The following TMEM132B variants were observed in gnomAD, a reference collection of about 807,000 sequenced individuals.
TMEM132B encodes the protein transmembrane protein 132B.
A neutral mutation model predicts 90.8 loss-of-function variants in TMEM132B; 18 were observed. The observed-to-expected ratio is 0.20, with a 90% CI of 0.14 to 0.29. The LOEUF (loss-of-function observed/expected upper bound fraction) is 0.29, where lower values mean the gene tolerates loss of function less well. TMEM132B is among the 10% of genes least tolerant of loss of function. TMEM132B has a pLI of 1.00. For missense variants in TMEM132B, 1,096 were observed against 1,326.8 expected (o/e 0.83, Z 2.70); for synonymous variants, 504 against 523.3 (o/e 0.96, Z 0.50).
intron 1 of TMEM132B, among the ~76,000 whole-genome samples, chr12:125,270,244 C>T (rs1874804353): frequency 6.6e-6 from 1 of 152,000 alleles, no homozygotes; most frequent in Non-Finnish European, 1.5e-5. Flanking sequence ...TCAAGCCATC[C>T]TCCCACCTCA....
rs555613951 is a variant in TMEM132B, at chr12:125,491,269, CTTAT to C, written c.1107-28163_1107-28160del. On this transcript the variant is annotated intron_variant, in intron 3 of 8. Coordinates refer to ENST00000682704, the MANE Select transcript of TMEM132B (RefSeq NM_001366854.1). ...TTAAATTATTATTTTTAAAATTTTACTTATTTATTTTAATTATTTTTAATTTAAA... is the reference window on the plus strand; with the variant it reads ...TTAAATTATTATTTTTAAAATTTTACTTATTTTAATTATTTTTAATTTAAA... Among the ~76,000 whole-genome samples the C allele has an allele frequency of 2.6e-3, 399 of 151,388 alleles. 1 individual carries two copies. The highest frequency in any genetic ancestry group is 9.2e-3 in the African/African-American group (380 of 41,430).
chr12:125,324,252 T>C (rs1258913252), intron 1 of TMEM132B, among the ~76,000 whole-genome samples: 1 of 152,224 alleles, frequency 6.6e-6, no homozygotes, highest in African/African-American at 2.4e-5. Context: ...ACAGATTAAT[T>C]GCTAATCACT....
At chr12:125,613,818 A>G (rs962586780) in intron 5 of TMEM132B, among the ~76,000 whole-genome samples, 1 of 152,054 alleles carries the variant, frequency 6.6e-6, no homozygotes, top group Non-Finnish European at 1.5e-5. Flanking sequence ...GAGCAAGTAC[A>G]TATTTATATA....
intron 4 of TMEM132B, among the ~76,000 whole-genome samples, chr12:125,526,851 T>TCATCCAGC (rs1255244855): frequency 6.6e-6 from 1 of 151,892 alleles, no homozygotes; most frequent in African/African-American, 2.4e-5. Context: ...TTCCTTCCAT[T>TCATCCAGC]CATCCAGCCA....
intron 3 of TMEM132B, among the ~76,000 whole-genome samples, chr12:125,507,271 G>A (rs565092189): frequency 9.8e-5 from 15 of 152,330 alleles, no homozygotes; most frequent in African/African-American, 3.6e-4. Flanking sequence ...ATATGTTTAT[G>A]AAGTGCCTAC....
Position 125,429,402 on chromosome 12 carries a change from T to TA in TMEM132B, c.1106+13726dup, listed in dbSNP as rs200434836. On this transcript the variant is annotated intron_variant, in intron 3 of 8. Coordinates refer to ENST00000682704, the MANE Select transcript of TMEM132B (RefSeq NM_001366854.1). ...TGTATTTTTTGTAGAGATGGGGTTT[T>TA]ACAATGTTGGCCAGGCTGGTTTCAA... 8.7e-3 allele frequency among the ~76,000 whole-genome samples: 1,324 copies of TA among 152,126 alleles called. 22 individuals are homozygous for TA. The highest frequency in any genetic ancestry group is 0.029 in the African/African-American group (1,209 of 41,488).
At chr12:125,427,793 G>GTGCA (rs1176703948) in intron 3 of TMEM132B, among the ~76,000 whole-genome samples, 2 of 152,198 alleles carry the variant, frequency 1.3e-5, no homozygotes, top group Non-Finnish European at 2.9e-5. Flanking sequence ...TTCTTACCAA[G>GTGCA]TGCAGATGTT....
chr12:125,262,146 C>T (rs1042204052), intron 1 of TMEM132B, among the ~76,000 whole-genome samples: 1 of 149,052 alleles, frequency 6.7e-6, no homozygotes, highest in Non-Finnish European at 1.5e-5. Flanking sequence ...CAGTGGCTCA[C>T]ATCTGTAATC....
At chr12:125,218,658 G>A (rs1299398188) in intron 1 of TMEM132B, among the ~76,000 whole-genome samples, 1 of 151,896 alleles carries the variant, frequency 6.6e-6, no homozygotes, top group Non-Finnish European at 1.5e-5. Flanking sequence ...CCTTTGATTG[G>A]GCCACCCAGG....
At chr12:125,320,143 C>T (rs1344776994) in intron 1 of TMEM132B, among the ~76,000 whole-genome samples, 2 of 152,200 alleles carry the variant, frequency 1.3e-5, no homozygotes, top group Non-Finnish European at 2.9e-5. Context: ...CTTTTGGGGG[C>T]TGGCTTGGAG....
At chr12:125,600,902 C>G (rs566200742) in intron 5 of TMEM132B, among the ~76,000 whole-genome samples, 2 of 152,064 alleles carry the variant, frequency 1.3e-5, no homozygotes, top group Non-Finnish European at 2.9e-5. Flanking sequence ...GGGATCAATT[C>G]GACAAGAAGA....
At chr12:125,447,848 G>A (rs187601219) in intron 3 of TMEM132B, among the ~76,000 whole-genome samples, 2 of 152,288 alleles carry the variant, frequency 1.3e-5, no homozygotes, top group Non-Finnish European at 2.9e-5. Context: ...CATTGTCTCT[G>A]TTGAGAAGTT....
Position 125,299,975 on chromosome 12 carries a change from T to C in TMEM132B, c.68-49477T>C, listed in dbSNP as rs10773156. On this transcript the variant is annotated intron_variant, in intron 1 of 8. Coordinates refer to ENST00000682704, the MANE Select transcript of TMEM132B (RefSeq NM_001366854.1). ...CACTCAGAGCAAGAACCCCAAGTCC[T>C]GCTCATGGCCTGAGGCCCTGCAGGG... Among the ~76,000 whole-genome samples the C allele has an allele frequency of 3.7e-4, 56 of 152,234 alleles. 1 individual carries two copies. Among genetic ancestry groups the C allele is most frequent in the Admixed American group, 3.3e-3 (51 of 15,300 alleles).
rs561224986 is a variant in TMEM132B, at chr12:125,377,990, T to C, written c.959+27647T>C. On this transcript the variant is annotated intron_variant, in intron 2 of 8. Transcript: ENST00000682704. ...TCAAGAATGTTTTGAAAGCTAGGTA[T>C]TTAGGGAGGCTGGACAAGGGGAGGT... Among the ~76,000 whole-genome samples the C allele has an allele frequency of 2.0e-5, 3 of 152,178 alleles. 1 individual carries two copies. In the South Asian group the frequency reaches 6.2e-4, roughly 32 times the overall value.
chr12:125,471,298 A>G (rs969555595), intron 3 of TMEM132B, among the ~76,000 whole-genome samples: 1 of 152,118 alleles, frequency 6.6e-6, no homozygotes, highest in African/African-American at 2.4e-5. Context: ...GGGGGACAGG[A>G]TGTGTCCTGT....
chr12:125,517,683 G>A (rs1364136556), intron 3 of TMEM132B, among the ~76,000 whole-genome samples: 1 of 152,096 alleles, frequency 6.6e-6, no homozygotes, highest in African/African-American at 2.4e-5. Flanking sequence ...TCATATTACT[G>A]GATGGTACAT....
intron 3 of TMEM132B, among the ~76,000 whole-genome samples, chr12:125,482,445 G>A (rs1882071939): frequency 6.6e-6 from 1 of 152,192 alleles, no homozygotes; most frequent in African/African-American, 2.4e-5. Flanking sequence ...GTGGGCAAAG[G>A]ATATGAACAG....
intron 1 of TMEM132B, among the ~76,000 whole-genome samples, chr12:125,195,587 C>T (rs373372595): frequency 6.6e-5 from 10 of 151,712 alleles, no homozygotes; most frequent in Admixed American, 4.6e-4. Context: ...TTAGTAGAGA[C>T]GGGGTTTCAC....
Position 125,519,908 on chromosome 12 carries a change from C to T in TMEM132B, c.1293+283C>T, listed in dbSNP as rs894613652. On this transcript the variant is annotated intron_variant, in intron 4 of 8. Coordinates refer to ENST00000682704, the MANE Select transcript of TMEM132B (RefSeq NM_001366854.1). ...GCGTGCATATCAGGACTGAGTGCTG[C>T]GCTGAGTGAAAACAGTTTTGTTGAA... Among the ~76,000 whole-genome samples the T allele has an allele frequency of 3.9e-5, 6 of 152,240 alleles. No homozygotes were observed. In the South Asian group the frequency reaches 6.2e-4, roughly 16 times the overall value.
Sources: gnomAD v4.1 joint callset for allele counts (sites outside exome capture counted in the v4.1 genomes callset) on GRCh38, gnomAD v4.1.1 for gene constraint, MANE v1.5 for transcripts, NCBI Gene and HGNC (gene_info 2026-07-23, HGNC 2026-07-21) for gene names.